The following PGM5 variants were observed in gnomAD, a reference collection of about 807,000 sequenced individuals.
PGM5 encodes the protein phosphoglucomutase-like protein 5.
PGM5 carries 23 observed loss-of-function variants against 59.2 expected under a neutral mutation model. The observed-to-expected ratio is 0.39, with a 90% CI of 0.28 to 0.55. The LOEUF is 0.55. Ranked by LOEUF, PGM5 falls within the 20% of genes least tolerant of loss-of-function variation. PGM5 has a pLI of 0.66. For missense variants in PGM5, 574 were observed against 748.3 expected, an observed-to-expected ratio of 0.77 and a Z score of 2.72; for synonymous variants, 214 against 286.0, an observed-to-expected ratio of 0.75 and a Z score of 2.54.
At chr9:68,506,107 CTGCCTCCT>C (rs1554689002) in intron 10 of PGM5, among the ~76,000 whole-genome samples, 2 of 152,222 alleles carry the variant, frequency 1.3e-5, no homozygotes, top group East Asian at 3.8e-4. Context: ...TAGCCTAAAG[CTGCCTCCT>C]TACATAATTT....
chr9:68,414,510 G>T (rs1554681831), intron 6 of PGM5, among the ~76,000 whole-genome samples: 1 of 152,054 alleles, frequency 6.6e-6, no homozygotes, highest in Non-Finnish European at 1.5e-5. Context: ...TCTCCCCACT[G>T]TGAACAACCC....
chr9:68,419,140 A>G (rs1823086044), intron 6 of PGM5, among the ~76,000 whole-genome samples: 1 of 152,214 alleles, frequency 6.6e-6, no homozygotes, highest in African/African-American at 2.4e-5. Context: ...CACACAATTG[A>G]TCTCAATTCC....
At chr9:68,500,289 G>T (rs762392193) in intron 10 of PGM5, among the ~76,000 whole-genome samples, 1 of 151,944 alleles carries the variant, frequency 6.6e-6, no homozygotes, top group African/African-American at 2.4e-5. Flanking sequence ...TAGTTTAGGG[G>T]TTTTTTTGTT....
chr9:68,420,995 A>G (rs1167543276), intron 6 of PGM5, among the ~76,000 whole-genome samples: 3 of 152,206 alleles, frequency 2.0e-5, no homozygotes, highest in Admixed American at 6.5e-5. Flanking sequence ...TGCTTTGTCC[A>G]TGGATGGTTT....
intron 1 of PGM5, among the ~76,000 whole-genome samples, chr9:68,376,350 T>C (rs1254958220): frequency 6.6e-6 from 1 of 152,160 alleles, no homozygotes; most frequent in Admixed American, 6.5e-5. Context: ...AATATGTACC[T>C]CACTAGTAAC....
At chr9:68,383,708 A>AG (rs879540925) in intron 2 of PGM5, among the ~76,000 whole-genome samples, 4 of 148,978 alleles carry the variant, frequency 2.7e-5, no homozygotes, top group Non-Finnish European at 6.0e-5. Context: ...AAAAAAAAAA[A>AG]TCTGAAATGG....
At chr9:68,380,107 T>C (rs1280693816) in intron 2 of PGM5, among the ~76,000 whole-genome samples, 2 of 151,634 alleles carry the variant, frequency 1.3e-5, no homozygotes, top group Non-Finnish European at 3.0e-5. Context: ...CAAATGGACC[T>C]ACCAAACCTA....
intron 7 of PGM5, among the ~76,000 whole-genome samples, chr9:68,475,294 C>G (rs908745302): frequency 2.6e-5 from 4 of 151,424 alleles, no homozygotes; most frequent in African/African-American, 9.7e-5. Flanking sequence ...CTTGGCCTCC[C>G]AAAGTGCTGT....
intron 7 of PGM5, chr9:68,466,080 G>T (rs1389083350): frequency 8.5e-7 from 1 of 1,180,584 alleles, no homozygotes; most frequent in African/African-American, 1.6e-5. Flanking sequence ...TTACACATGT[G>T]TTAGATAATT....
At chr9:68,399,893 G>C (rs2132024668) in intron 6 of PGM5, among the ~76,000 whole-genome samples, 1 of 152,000 alleles carries the variant, frequency 6.6e-6, no homozygotes, top group South Asian at 2.1e-4. Flanking sequence ...CCTGTGTTTA[G>C]TCTCTGCATG....
At chr9:68,487,672 C>T (rs892575281) in intron 9 of PGM5, among the ~76,000 whole-genome samples, 1 of 152,058 alleles carries the variant, frequency 6.6e-6, no homozygotes, top group Non-Finnish European at 1.5e-5. Context: ...GGGTTAAATT[C>T]TACTTACTTA....
At position 68,465,134 on chromosome 9, in the gene PGM5, C is replaced by A. The variant is rs782241970; in HGVS notation, c.1085C>A (p.Ala362Asp). The A allele has an allele frequency of 6.8e-6, 11 of 1,613,156 alleles. No homozygotes were observed. The highest frequency in any genetic ancestry group is 6.7e-5 in the Admixed American group (4 of 59,984). ...SMKVPVYETP[A>D]GWRFFSNLMD... The stretch of plus-strand genomic sequence containing the variant: ...AAGGTCCCTGTATATGAGACCCCAG[C>A]TGGATGGAGATTCTTCTCAAATCTG... The change falls in exon 7 of 11, where the codon GCT (alanine) becomes GAT (aspartate). Residue 362 changes from alanine to aspartate, a missense_variant. This residue lies in a region of PGM5 where 300 missense variants were observed against 280.0 expected (regional missense o/e 1.07). Transcript: ENST00000396396.
chr9:68,417,518 A>G (rs1384455012), intron 6 of PGM5, among the ~76,000 whole-genome samples: 1 of 152,190 alleles, frequency 6.6e-6, no homozygotes, highest in Non-Finnish European at 1.5e-5. Flanking sequence ...TGAGCTGCGT[A>G]TCCTTTCATT....
intron 8 of PGM5, among the ~76,000 whole-genome samples, chr9:68,483,471 T>C (rs1587206893): frequency 6.6e-6 from 1 of 152,174 alleles, no homozygotes; most frequent in South Asian, 2.1e-4. Flanking sequence ...AAGGGTGCAA[T>C]GTCAATGCAC....
At chr9:68,478,191 C>T (rs910735482) in intron 7 of PGM5, among the ~76,000 whole-genome samples, 11 of 152,226 alleles carry the variant, frequency 7.2e-5, no homozygotes, top group African/African-American at 2.7e-4. Flanking sequence ...GGGCCTGTGA[C>T]ACACTCTTCT....
At chr9:68,433,644 G>C (rs1413249697) in intron 6 of PGM5, among the ~76,000 whole-genome samples, 4 of 152,170 alleles carry the variant, frequency 2.6e-5, no homozygotes, top group African/African-American at 9.7e-5. Context: ...GATCTTAAAT[G>C]TTCCCCAGTA....
chr9:68,444,502 G>A (rs1303490122), intron 6 of PGM5, among the ~76,000 whole-genome samples: 5 of 152,144 alleles, frequency 3.3e-5, no homozygotes, highest in Admixed American at 2.6e-4. Flanking sequence ...GAACCTAGGT[G>A]GTAGGAATTA....
In PGM5 at chr9:68,384,564, G is replaced by T. The variant is rs781882041; in HGVS notation, c.571+20G>T. ...TCAGAGGTAACAGAGATTTTATTTT[G>T]AAGAAGTCAGAGTAACTATGTGGAT... On this transcript the variant is annotated intron_variant, in intron 3 of 10. Transcript: ENST00000396396. 1.3e-6 allele frequency: 2 copies of T among 1,577,608 alleles called. No homozygotes were observed. Among genetic ancestry groups the T allele is most frequent in the Non-Finnish European group, 8.7e-7 (1 of 1,153,528 alleles).
At position 68,499,520 on chromosome 9, in the gene PGM5, G is replaced by A. The variant is rs117311718; in HGVS notation, c.1614+159G>A. 3.9e-5 allele frequency among the ~76,000 whole-genome samples: 6 copies of A among 152,294 alleles called. No homozygotes were observed. The East Asian group carries it at 5.8e-4, about 15-fold the overall frequency. ...GGGCAACTCCAAGCAAGTTTAATTCGTTCATTACAGTGTTTGAAACAGAAA... is the reference window on the plus strand; with the variant it reads ...GGGCAACTCCAAGCAAGTTTAATTCATTCATTACAGTGTTTGAAACAGAAA... On this transcript the variant is annotated intron_variant, in intron 10 of 10. Transcript: ENST00000396396.
Sources: gnomAD v4.1 joint callset for allele counts (sites outside exome capture counted in the v4.1 genomes callset) on GRCh38, gnomAD v4.1.1 for gene constraint, gnomAD v4.1.1 regional missense constraint, MANE v1.5 for transcripts, NCBI Gene and HGNC (gene_info 2026-07-23, HGNC 2026-07-21) for gene names.